Variants in ZNF780B observed in about 807,000 individuals in gnomAD.
ZNF780B encodes zinc finger protein 780B, also known as zinc finger protein 779.
A neutral mutation model predicts 74.1 loss-of-function variants in ZNF780B; 52 were observed. The ratio of observed to expected loss-of-function variants is 0.70; its 90% CI spans 0.56 to 0.88. ZNF780B has a LOEUF of 0.88. Among genes scored for constraint, ZNF780B ranks in the 40% least tolerant of loss-of-function variants. ZNF780B has a pLI of 0.00. For missense variants in ZNF780B, 953 were observed against 1,007.6 expected (o/e 0.95, Z 0.73); for synonymous variants, 315 against 324.3 (o/e 0.97, Z 0.31).
chr19:40,035,972 T>C lies in ZNF780B; in HGVS notation c.887A>G (p.Gln296Arg). Residue 296 changes from glutamine to arginine, a missense_variant, in exon 5 of 5, where the codon CAA becomes CGA. Transcript: ENST00000434248. ...GGGTTTCTCATTGGAATGAATTTTT[T>C]GATGCTGAATAAGATTTGAACCACG... ...FNRGSNLIQH[Q>R]KIHSNEKPFV... 1 of 1,614,036 alleles carries C rather than the reference T, an allele frequency of 6.2e-7. No homozygotes were observed. Among genetic ancestry groups the C allele is most frequent in the Non-Finnish European group, 8.5e-7 (1 of 1,180,000 alleles).
intron 1 of ZNF780B, chr19:40,055,505 C>G (rs192484927): frequency 1.3e-5 from 2 of 152,254 alleles, no homozygotes; most frequent in Admixed American, 1.3e-4. Context: ...ATACGGCAAG[C>G]GTGAGACTCC....
intron 2 of ZNF780B, among the ~76,000 whole-genome samples, 164 bp downstream of exon 2, chr19:40,050,160 G>T (rs558514102): frequency 1.2e-3 from 157 of 129,446 alleles, no homozygotes; most frequent in Non-Finnish European, 1.9e-3. Flanking sequence ...TCGCACCACT[G>T]CATTCCAGCC....
At chr19:40,054,059 A>T (rs944305654) in intron 1 of ZNF780B, among the ~76,000 whole-genome samples, 2 of 152,222 alleles carry the variant, frequency 1.3e-5, no homozygotes, top group African/African-American at 4.8e-5. Context: ...AGGCTGGGGC[A>T]GGAGAATTAC....
At chr19:40,052,815 T>C (rs1973294883) in intron 1 of ZNF780B, among the ~76,000 whole-genome samples, 2 of 152,032 alleles carry the variant, frequency 1.3e-5, no homozygotes. Flanking sequence ...TTGAGACAGG[T>C]GCCAAGAACA....
chr19:40,052,263 G>T (rs1973268089), intron 1 of ZNF780B, among the ~76,000 whole-genome samples: 1 of 152,022 alleles, frequency 6.6e-6, no homozygotes, highest in Non-Finnish European at 1.5e-5. Context: ...ACAATGTTCA[G>T]CAGTATCCCT....
Position 40,036,045 on chromosome 19 carries a change from C to T in ZNF780B, c.814G>A (p.Ala272Thr), listed in dbSNP as rs1599764569. The change falls in exon 5 of 5, where the codon GCT becomes ACT. Residue 272 changes from alanine (A) to threonine (T), a missense_variant. Ala to Thr is a moderately conservative substitution (Grantham distance 58). Coordinates refer to ENST00000434248, the MANE Select transcript of ZNF780B (RefSeq NM_001005851.3). ...TTACATTGATATGGTTTTACACCAG[C>T]ATGAATACTTTGATGCTGAGTAAGG... Reference protein sequence around the residue: ...SNLTQHQSIHAGVKPYQCKEC... With the variant: ...SNLTQHQSIHTGVKPYQCKEC... 2 of 1,613,560 alleles carry T rather than the reference C, an allele frequency of 1.2e-6. No individual in the cohort carries two copies. The highest frequency in any genetic ancestry group is 2.7e-5 in the African/African-American group (2 of 74,852).
Position 40,034,774 on chromosome 19 carries a change from T to C in ZNF780B, c.2085A>G (p.Lys695=). ...IQHQKTHSSA[K]PFVCKECRKT... ...TCCTACACTCCTTACATACAAAGGG[T>C]TTCGCACTGGAATGAGTTTTCTGAT... Residue 695 remains lysine, a synonymous_variant, in exon 5 of 5, where the codon AAA becomes AAG. Coordinates refer to ENST00000434248, the MANE Select transcript of ZNF780B (RefSeq NM_001005851.3). The C allele has an allele frequency of 1.9e-6, 3 of 1,613,808 alleles. No homozygotes were observed. The highest frequency in any genetic ancestry group is 2.5e-6 in the Non-Finnish European group (3 of 1,179,940).
Position 40,036,568 on chromosome 19 carries a change from T to C in ZNF780B, c.291A>G (p.Ile97Met), listed in dbSNP as rs1306912669. 1 of 1,570,674 alleles carries C rather than the reference T, an allele frequency of 6.4e-7. No individual in the cohort carries two copies. The highest frequency in any genetic ancestry group is 8.6e-7 in the Non-Finnish European group (1 of 1,163,444). Residue 97 changes from isoleucine (I) to methionine (M), a missense_variant, in exon 5 of 5, where the codon ATA becomes ATG. Physicochemically the swap from Ile to Met is conservative, Grantham distance 10. Coordinates refer to ENST00000434248, the MANE Select transcript of ZNF780B (RefSeq NM_001005851.3). ...KISPENDIFE[I>M]NLPKHVIKQI... Reference sequence around the variant, plus strand: ...GCTTTATAACATGTTTGGGTAAATTTATTTCAAAAATATCATTTTCTGGAG... The same window carrying C: ...GCTTTATAACATGTTTGGGTAAATTCATTTCAAAAATATCATTTTCTGGAG...
chr19:40,049,108 C>T (rs1173729188), intron 2 of ZNF780B: 1 of 299,534 alleles, frequency 3.3e-6, no homozygotes, highest in Non-Finnish European at 6.3e-6. Flanking sequence ...GTGGCATGTG[C>T]CTATAGTCCC....
At chr19:40,053,879 A>G (rs1039879750) in intron 1 of ZNF780B, among the ~76,000 whole-genome samples, 25 of 152,228 alleles carry the variant, frequency 1.6e-4, no homozygotes, top group Non-Finnish European at 3.5e-4. Flanking sequence ...GGTGGCTCAC[A>G]CTTGTAATCC....
In ZNF780B at chr19:40,029,594, C is replaced by A. The variant is rs552908952; in HGVS notation, c.*4763G>T. 3.9e-5 allele frequency: 6 copies of A among 154,206 alleles called. No individual in the cohort carries two copies. In the East Asian group the frequency reaches 1.2e-3, roughly 30 times the overall value. The allele number at this position is 154,206 out of a possible 1,614,324, so 9.6% of individuals were successfully genotyped here. Reference sequence around the variant, plus strand: ...CAACTCTGAAACTATTAAAAGAATTCTAACAAAAGCAGCATCTTTTTTTCC... The same window carrying A: ...CAACTCTGAAACTATTAAAAGAATTATAACAAAAGCAGCATCTTTTTTTCC... On this transcript the variant is annotated 3_prime_UTR_variant, in exon 5 of 5. Coordinates refer to ENST00000434248, the MANE Select transcript of ZNF780B (RefSeq NM_001005851.3).
intron 1 of ZNF780B, among the ~76,000 whole-genome samples, chr19:40,050,902 G>T (rs1380503474): frequency 3.3e-5 from 5 of 152,232 alleles, no homozygotes; most frequent in African/African-American, 7.2e-5. Flanking sequence ...CCAAAAGCCA[G>T]CTGGGGTAAG....
At chr19:40,044,471 T>C (rs1972836668) in intron 4 of ZNF780B, among the ~76,000 whole-genome samples, 1 of 152,186 alleles carries the variant, frequency 6.6e-6, no homozygotes, top group Admixed American at 6.5e-5. Flanking sequence ...AATGTGATTA[T>C]ACATTCAGTG....
Position 40,036,134 on chromosome 19 carries a change from A to G in ZNF780B, c.725T>C (p.Ile242Thr), listed in dbSNP as rs543748486. Residue 242 changes from isoleucine to threonine, a missense_variant, in exon 5 of 5, where the codon ATT (isoleucine) becomes ACT (threonine). Transcript: ENST00000434248. ...LPTQLNRHKN[I>T]HTVKKLFECK... ...TTCAAACAGTTTCTTAACTGTGTGA[A>G]TGTTCTTATGGCGATTAAGCTGGGT... The G allele has an allele frequency of 1.6e-4, 254 of 1,613,958 alleles. No individual in the cohort carries two copies. The Admixed American group carries it at 2.2e-3, about 14-fold the overall frequency.
rs1274299167 is a variant in ZNF780B at position 40,050,321 on chromosome 19, T to TA, written c.9+2dup. 13 of 1,596,556 alleles carry TA rather than the reference T, an allele frequency of 8.1e-6. No individual in the cohort carries two copies. Among genetic ancestry groups the TA allele is most frequent in the Middle Eastern group, 1.7e-4 (1 of 6,060 alleles). ...TTTCAAGAAGACAGAAACACCAACT[T>TA]ACATGGACCATGTTTCTAGAATTAC... is the stretch of plus-strand genomic sequence containing the variant. On this transcript the variant is annotated splice_region_variant and intron_variant, in intron 2 of 4. Coordinates refer to ENST00000434248, the MANE Select transcript of ZNF780B (RefSeq NM_001005851.3).
chr19:40,032,146 A>C lies in ZNF780B; in HGVS notation c.*2211T>G. The stretch of plus-strand genomic sequence containing the variant: ...AGCCAACAACATTTCTGGGCTACTC[A>C]AAATTCAATGTCATTTTTTTAAAAT... On this transcript the variant is annotated 3_prime_UTR_variant, in exon 5 of 5. Transcript: ENST00000434248. 1 of 436,988 alleles carries C rather than the reference A, an allele frequency of 2.3e-6. No homozygotes were observed. The highest frequency in any genetic ancestry group is 1.6e-5 in the South Asian group (1 of 62,266). The allele number at this position is 436,988 out of a possible 1,614,324, so 27.1% of individuals were successfully genotyped here.
chr19:40,051,212 TCACACACA>T (rs571128446), intron 1 of ZNF780B, among the ~76,000 whole-genome samples: 2 of 146,882 alleles, frequency 1.4e-5, no homozygotes, highest in Non-Finnish European at 3.0e-5. Context: ...ATAATTATAT[TCACACACA>T]CACACACACA....
At chr19:40,049,841 G>T (rs1436789356) in intron 2 of ZNF780B, among the ~76,000 whole-genome samples, 1 of 152,168 alleles carries the variant, frequency 6.6e-6, no homozygotes, top group Non-Finnish European at 1.5e-5. Flanking sequence ...CGAATAGGAA[G>T]AGCACTGACT....
intron 4 of ZNF780B, among the ~76,000 whole-genome samples, chr19:40,042,806 AT>A (rs1002394997): frequency 3.3e-5 from 5 of 151,376 alleles, no homozygotes; most frequent in African/African-American, 9.7e-5. Context: ...CATTCGTCTA[AT>A]TTTTTTTCAT....
Sources: allele counts gnomAD v4.1 joint callset (sites outside exome capture counted in the v4.1 genomes callset), GRCh38; gene constraint gnomAD v4.1.1; transcripts MANE v1.5; gene names NCBI Gene and HGNC (gene_info 2026-07-23, HGNC 2026-07-21).